ERC2: variants seen among roughly 807,000 people sequenced by gnomAD.
ERC2 encodes ERC protein 2.
A neutral mutation model predicts 114.8 loss-of-function variants in ERC2; 42 were observed. The observed-to-expected ratio is 0.37, with a 90% CI of 0.29 to 0.47. ERC2 has a LOEUF of 0.47. ERC2 is among the 20% of genes least tolerant of loss of function. The pLI is 0.99. For missense variants in ERC2, 939 were observed against 1,150.7 expected (o/e 0.82, Z 2.66); for synonymous variants, 454 against 425.5 (o/e 1.07, Z -0.82).
intron 13 of ERC2, among the ~76,000 whole-genome samples, chr3:55,930,052 A>T (rs1462068825): frequency 6.6e-6 from 1 of 152,174 alleles, no homozygotes; most frequent in Non-Finnish European, 1.5e-5. Context: ...CAGCCTGGCC[A>T]ACATGGTGAA....
intron 6 of ERC2, among the ~76,000 whole-genome samples, chr3:56,094,745 A>T (rs2077965256): frequency 1.3e-5 from 2 of 152,212 alleles, no homozygotes; most frequent in Admixed American, 1.3e-4. Flanking sequence ...ATAATGAGGG[A>T]GTCCAAAATA....
intron 14 of ERC2, among the ~76,000 whole-genome samples, chr3:55,755,813 C>T (rs2067017682): frequency 6.6e-6 from 1 of 152,084 alleles, no homozygotes; most frequent in Non-Finnish European, 1.5e-5. Flanking sequence ...TTAAATTAAA[C>T]GTACATCGAA....
At chr3:56,048,828 G>A (rs193030527) in intron 7 of ERC2, among the ~76,000 whole-genome samples, 1 of 152,316 alleles carries the variant, frequency 6.6e-6, no homozygotes, top group African/African-American at 2.4e-5. Flanking sequence ...ACAAAATGTA[G>A]TAACTTCAGA....
At chr3:55,810,465 C>CTTTTTTTTTTT (rs11318195) in intron 14 of ERC2, among the ~76,000 whole-genome samples, 2,047 of 146,278 alleles carry the variant, frequency 0.014, 55 homozygotes, top group African/African-American at 0.049. Context: ...CTCTCTCCCT[C>CTTTTTTTTTTT]TTTTTTTTTT....
chr3:55,605,780 T>C (rs973696440), intron 17 of ERC2, among the ~76,000 whole-genome samples: 2 of 152,188 alleles, frequency 1.3e-5, no homozygotes, highest in African/African-American at 4.8e-5. Flanking sequence ...TCCTTAGAAC[T>C]CAGGAATAAA....
At chr3:56,099,105 C>G (rs970723288) in intron 6 of ERC2, among the ~76,000 whole-genome samples, 1 of 152,148 alleles carries the variant, frequency 6.6e-6, no homozygotes, top group Admixed American at 6.5e-5. Flanking sequence ...AAGACACACA[C>G]AGCAGAGAAG....
intron 2 of ERC2, among the ~76,000 whole-genome samples, chr3:56,387,392 C>T (rs951493770): frequency 6.6e-6 from 1 of 152,152 alleles, no homozygotes; most frequent in Non-Finnish European, 1.5e-5. Flanking sequence ...TTAACCTGTA[C>T]AATGCAAAGT....
chr3:55,955,069 G>A, intron 12 of ERC2: 1 of 466,618 alleles, frequency 2.1e-6, no homozygotes, highest in African/African-American at 2.0e-5. Flanking sequence ...AATACATATA[G>A]TCTGATCTTA....
At chr3:56,139,432 G>T in intron 6 of ERC2, 77 bp downstream of exon 6, 1 of 1,435,762 alleles carries the variant, frequency 7.0e-7, no homozygotes. Flanking sequence ...AGGGTCTTTG[G>T]AGGAAAGTTG....
intron 15 of ERC2, among the ~76,000 whole-genome samples, chr3:55,717,341 C>T (rs2064182956): frequency 1.3e-5 from 2 of 152,136 alleles, no homozygotes; most frequent in South Asian, 4.1e-4. Flanking sequence ...TTGGGAGTTC[C>T]AAGCTGGGAA....
chr3:55,760,874 G>T (rs187761947), intron 14 of ERC2, among the ~76,000 whole-genome samples: 1 of 152,312 alleles, frequency 6.6e-6, no homozygotes, highest in Non-Finnish European at 1.5e-5. Flanking sequence ...GCCTTGATTT[G>T]TTTCTAGAAT....
intron 3 of ERC2, among the ~76,000 whole-genome samples, chr3:56,241,708 C>T (rs1482814149): frequency 6.6e-6 from 1 of 152,130 alleles, no homozygotes; most frequent in East Asian, 1.9e-4. Flanking sequence ...TTTGGACCAC[C>T]TTTCTCTTCC....
chr3:56,283,052 G>A (rs1459728147), intron 3 of ERC2, among the ~76,000 whole-genome samples: 2 of 152,206 alleles, frequency 1.3e-5, no homozygotes, highest in Non-Finnish European at 2.9e-5. Flanking sequence ...ATCCTCAAAT[G>A]TCCACTAAAT....
At chr3:55,698,067 C>T (rs943075051) in intron 16 of ERC2, among the ~76,000 whole-genome samples, 3 of 151,952 alleles carry the variant, frequency 2.0e-5, no homozygotes, top group African/African-American at 7.3e-5. Context: ...ATGAAATTGA[C>T]ACCTCTCTCC....
intron 17 of ERC2, among the ~76,000 whole-genome samples, chr3:55,563,451 G>A (rs144267066): frequency 1.5e-3 from 225 of 151,570 alleles, no homozygotes; most frequent in African/African-American, 5.1e-3. Flanking sequence ...CTTCTTCCCA[G>A]CCCCAGGATG....
intron 7 of ERC2, among the ~76,000 whole-genome samples, chr3:56,038,759 AG>A (rs1471676405): frequency 6.6e-6 from 1 of 152,252 alleles, no homozygotes; most frequent in East Asian, 1.9e-4. Context: ...AGCCATAAAA[AG>A]GAATAAGATC....
At chr3:55,804,049 T>A (rs1053265218) in intron 14 of ERC2, among the ~76,000 whole-genome samples, 1 of 152,210 alleles carries the variant, frequency 6.6e-6, no homozygotes, top group African/African-American at 2.4e-5. Flanking sequence ...TGTATTTAAT[T>A]CTCGTATCTT....
At chr3:56,198,046 ATG>A (rs1408243234) in intron 3 of ERC2, among the ~76,000 whole-genome samples, 2 of 152,310 alleles carry the variant, frequency 1.3e-5, no homozygotes, top group East Asian at 3.9e-4. Flanking sequence ...CACATGTTGC[ATG>A]CATACAAATG....
intron 2 of ERC2, among the ~76,000 whole-genome samples, chr3:56,323,421 T>C (rs934472194): frequency 6.6e-6 from 1 of 152,086 alleles, no homozygotes; most frequent in Admixed American, 6.5e-5. Context: ...CCCAGACAAA[T>C]GCCAGCAACA....
Sources: gnomAD v4.1 joint callset for allele counts (sites outside exome capture counted in the v4.1 genomes callset) on GRCh38, gnomAD v4.1.1 for gene constraint, MANE v1.5 for transcripts, NCBI Gene and HGNC (gene_info 2026-07-23, HGNC 2026-07-21) for gene names.